NEK11: variants seen among roughly 807,000 people sequenced by gnomAD.
NEK11 encodes the protein serine/threonine-protein kinase Nek11.
Under a neutral mutation model 80.7 loss-of-function variants are expected in NEK11, and 72 were observed. The observed-to-expected ratio is 0.89, with a 90% CI of 0.74 to 1.08. The LOEUF (loss-of-function observed/expected upper bound fraction) is 1.08. NEK11 is among the 50% of genes least tolerant of loss of function. The probability of loss-of-function intolerance (pLI) is 0.00; values close to 1 mark genes in which losing one functional copy is unlikely to be tolerated. For synonymous variants in NEK11, 251 were observed against 260.7 expected, an observed-to-expected ratio of 0.96 and a Z score of 0.36; for missense variants, 764 against 763.6, an observed-to-expected ratio of 1.00 and a Z score of -0.01.
At chr3:131,146,771 A>G (rs956310083) in intron 7 of NEK11, among the ~76,000 whole-genome samples, 2 of 151,952 alleles carry the variant, frequency 1.3e-5, no homozygotes, top group Non-Finnish European at 2.9e-5. Flanking sequence ...GGTAGTACAC[A>G]GTGGTTGTAA....
intron 14 of NEK11, among the ~76,000 whole-genome samples, chr3:131,218,625 T>C (rs77348348): frequency 0.016 from 2,439 of 152,298 alleles, 69 homozygotes; most frequent in African/African-American, 0.056. Flanking sequence ...TGACTGTATT[T>C]GAAGACATGG....
chr3:131,168,457 C>A (rs1204882838), intron 12 of NEK11, among the ~76,000 whole-genome samples: 1 of 149,618 alleles, frequency 6.7e-6, no homozygotes, highest in Non-Finnish European at 1.5e-5. Context: ...CCCGGGTTCA[C>A]GCCATTCTCC....
At chr3:131,331,233 T>A (rs1190078302) in intron 17 of NEK11, among the ~76,000 whole-genome samples, 2 of 152,176 alleles carry the variant, frequency 1.3e-5, no homozygotes, top group Non-Finnish European at 2.9e-5. Context: ...AACAGAACTC[T>A]TAGTGTGATG....
intron 4 of NEK11, among the ~76,000 whole-genome samples, chr3:131,100,471 G>A (rs1027889023): frequency 1.3e-5 from 2 of 152,154 alleles, no homozygotes; most frequent in African/African-American, 4.8e-5. Flanking sequence ...TCAGGAGGCT[G>A]AGGCAGGATA....
At chr3:131,096,014 G>T (rs1407409595) in intron 4 of NEK11, among the ~76,000 whole-genome samples, 3 of 152,152 alleles carry the variant, frequency 2.0e-5, no homozygotes, top group Non-Finnish European at 4.4e-5. Context: ...TTTCTTGAGT[G>T]ATCAAAAGAC....
At chr3:131,096,902 C>T (rs1442054243) in intron 4 of NEK11, among the ~76,000 whole-genome samples, 4 of 107,284 alleles carry the variant, frequency 3.7e-5, no homozygotes, top group Non-Finnish European at 7.0e-5. Flanking sequence ...CACCCCACAA[C>T]GGTCCCCAGA....
intron 4 of NEK11, among the ~76,000 whole-genome samples, chr3:131,082,049 A>T (rs1245927230): frequency 2.0e-5 from 3 of 152,054 alleles, no homozygotes; most frequent in African/African-American, 7.2e-5. Context: ...CTATGTCTTG[A>T]CCCTGCTTTG....
At chr3:131,248,625 G>A (rs566941402) in intron 16 of NEK11, among the ~76,000 whole-genome samples, 84 of 152,110 alleles carry the variant, frequency 5.5e-4, no homozygotes, top group African/African-American at 1.9e-3. Context: ...CAGAGAAACA[G>A]TCTCTCTCAC....
intron 17 of NEK11, among the ~76,000 whole-genome samples, chr3:131,336,538 C>T (rs1304017326): frequency 6.6e-6 from 1 of 152,082 alleles, no homozygotes; most frequent in African/African-American, 2.4e-5. Flanking sequence ...TAGGTATTAC[C>T]ATTCAGGACA....
In NEK11 at chr3:131,211,488, G is replaced by C. The variant is rs530142487; in HGVS notation, c.1400-17040G>C. On this transcript the variant is annotated intron_variant, in intron 14 of 17. Coordinates refer to ENST00000383366, the MANE Select transcript of NEK11 (RefSeq NM_024800.5). ...GAGGAGTATCTTTGTGGTGTTCTCT[G>C]TATTTCTTTAATTTGAATGTTGGCC... Among the ~76,000 whole-genome samples, 12 of 152,230 alleles carry C rather than the reference G, an allele frequency of 7.9e-5. No individual in the cohort carries two copies. The East Asian group carries it at 2.3e-3, about 29-fold the overall frequency.
chr3:131,266,407 G>A (rs2096059402), intron 16 of NEK11, among the ~76,000 whole-genome samples: 1 of 152,128 alleles, frequency 6.6e-6, no homozygotes, highest in African/African-American at 2.4e-5. Flanking sequence ...GGTACGTTGT[G>A]TCTTTGTTCT....
intron 3 of NEK11, among the ~76,000 whole-genome samples, chr3:131,048,942 C>T (rs1258747319): frequency 6.6e-6 from 1 of 152,204 alleles, no homozygotes; most frequent in Non-Finnish European, 1.5e-5. Flanking sequence ...CATTGAGACG[C>T]TGGCACCTGT....
At chr3:131,335,664 G>T (rs892827602) in intron 17 of NEK11, among the ~76,000 whole-genome samples, 1 of 152,160 alleles carries the variant, frequency 6.6e-6, no homozygotes, top group Admixed American at 6.5e-5. Context: ...ATTAGGAAAA[G>T]AAGAAGTCAA....
At chr3:131,340,028 G>A (rs1233001396) in intron 17 of NEK11, among the ~76,000 whole-genome samples, 2 of 152,180 alleles carry the variant, frequency 1.3e-5, no homozygotes, top group African/African-American at 2.4e-5. Flanking sequence ...GACATGACAA[G>A]TAAATGGAAC....
intron 14 of NEK11, among the ~76,000 whole-genome samples, chr3:131,208,674 C>CTA (rs2094516422): frequency 6.6e-6 from 1 of 152,082 alleles, no homozygotes; most frequent in Admixed American, 6.5e-5. Context: ...TGAAGAGGTC[C>CTA]TACACATCCC....
At position 131,170,785 on chromosome 3, in the gene NEK11, C is replaced by A. The variant is rs766914724; in HGVS notation, c.1297C>A (p.Pro433Thr). 6.2e-7 allele frequency: 1 copy of A among 1,612,992 alleles called. No individual in the cohort carries two copies. The highest frequency in any genetic ancestry group is 1.1e-5 in the South Asian group (1 of 91,038). Reference protein sequence around the residue: ...WQGREEESDEPTLENLPESQP... With the variant: ...WQGREEESDETTLENLPESQP... ...TACCTTCCACAAGGAATCTGATGAA[C>A]CAACTTTAGAGAACCTGCCTGAGTC... is the stretch of plus-strand genomic sequence containing the variant. Residue 433 changes from proline (P) to threonine (T), a missense_variant, in exon 14 of 18, where the codon CCA (proline) becomes ACA (threonine). Physicochemically the swap from Pro to Thr is conservative, Grantham distance 38. Coordinates refer to ENST00000383366, the MANE Select transcript of NEK11 (RefSeq NM_024800.5).
At chr3:131,277,032 T>G (rs2096304457) in intron 17 of NEK11, among the ~76,000 whole-genome samples, 1 of 152,232 alleles carries the variant, frequency 6.6e-6, no homozygotes, top group Admixed American at 6.5e-5. Context: ...ACTGTGGGTT[T>G]GTCTGTTGTT....
At chr3:131,226,237 C>G (rs964049180) in intron 14 of NEK11, among the ~76,000 whole-genome samples, 3 of 152,156 alleles carry the variant, frequency 2.0e-5, no homozygotes, top group African/African-American at 7.2e-5. Context: ...TACTTGATGG[C>G]AGAACTGGAG....
chr3:131,215,197 C>G (rs2094780107), intron 14 of NEK11, among the ~76,000 whole-genome samples: 1 of 147,360 alleles, frequency 6.8e-6, no homozygotes, highest in Non-Finnish European at 1.5e-5. Context: ...ACCGCATGTT[C>G]TCACTCATAG....
Sources: allele counts gnomAD v4.1 joint callset (sites outside exome capture counted in the v4.1 genomes callset), GRCh38; gene constraint gnomAD v4.1.1; transcripts MANE v1.5; gene names NCBI Gene and HGNC (gene_info 2026-07-23, HGNC 2026-07-21).